Variants in FKBP15 observed in about 807,000 individuals in gnomAD.
The protein encoded by FKBP15 is FK506-binding protein 15.
Under a neutral mutation model 158.1 loss-of-function variants are expected in FKBP15, and 106 were observed. The ratio of observed to expected loss-of-function variants is 0.67; its 90% CI spans 0.57 to 0.79. The LOEUF is 0.79. Ranked by LOEUF, FKBP15 falls within the 30% of genes least tolerant of loss-of-function variation. FKBP15 has a pLI of 0.00. For missense variants in FKBP15, 1,287 were observed against 1,479.1 expected, an observed-to-expected ratio of 0.87 and a Z score of 2.13; for synonymous variants, 547 against 548.6, an observed-to-expected ratio of 1.00 and a Z score of 0.04.
At chr9:113,175,945 G>A (rs1402565188) in intron 21 of FKBP15, among the ~76,000 whole-genome samples, 1 of 152,168 alleles carries the variant, frequency 6.6e-6, no homozygotes, top group South Asian at 2.1e-4. Flanking sequence ...AGGATAACCT[G>A]GTAATATTTA....
At chr9:113,188,234 C>T (rs1830516390) in intron 13 of FKBP15, among the ~76,000 whole-genome samples, 155 bp downstream of exon 13, 1 of 152,230 alleles carries the variant, frequency 6.6e-6, no homozygotes, top group Non-Finnish European at 1.5e-5. Context: ...TATGAAAATG[C>T]CTTACCCAGG....
intron 21 of FKBP15, among the ~76,000 whole-genome samples, chr9:113,175,322 T>TTC (rs1830283399): frequency 6.6e-6 from 1 of 152,104 alleles, no homozygotes; most frequent in Non-Finnish European, 1.5e-5. Flanking sequence ...GTAGTATCTA[T>TTC]AGTAATGACA....
intron 18 of FKBP15, 73 bp downstream of exon 18, chr9:113,183,678 C>T (rs1830438634): frequency 4.2e-6 from 4 of 951,314 alleles, no homozygotes; most frequent in South Asian, 2.9e-5. Flanking sequence ...TAAACAAATA[C>T]GTGTACTTAA....
Position 113,194,030 on chromosome 9 carries a change from G to A in FKBP15, c.1004C>T (p.Ser335Leu). The stretch of plus-strand genomic sequence containing the variant: ...TGATACAACTGCAGTATCTTACCCT[G>A]ATTTGAAAGGTATTGATGTGGGTGG... ...VSPPTSIPFKSGEPALRTKSN... is the reference protein window; with the variant it reads ...VSPPTSIPFKLGEPALRTKSN... Residue 335 changes from serine (S) to leucine (L), a missense_variant, in exon 10 of 28, where the codon TCA becomes TTA. Ser to Leu is a moderately radical substitution (Grantham distance 145, BLOSUM62 -2). Coordinates refer to ENST00000238256, the MANE Select transcript of FKBP15 (RefSeq NM_015258.2). 6.2e-7 allele frequency: 1 copy of A among 1,609,416 alleles called. No homozygotes were observed. The highest frequency in any genetic ancestry group is 1.3e-5 in the African/African-American group (1 of 74,842).
chr9:113,210,731 C>T (rs1263562389), intron 2 of FKBP15, among the ~76,000 whole-genome samples: 4 of 151,898 alleles, frequency 2.6e-5, no homozygotes, highest in African/African-American at 7.3e-5. Flanking sequence ...CACCCTCAAT[C>T]TTGTTGGGCA....
intron 11 of FKBP15, among the ~76,000 whole-genome samples, chr9:113,192,773 A>C (rs998244804): frequency 3.9e-5 from 6 of 152,230 alleles, no homozygotes; most frequent in African/African-American, 1.4e-4. Flanking sequence ...TGAGATAGGC[A>C]ATATCTCCAT....
chr9:113,214,620 C>T (rs149788782), intron 1 of FKBP15, among the ~76,000 whole-genome samples: 61 of 152,300 alleles, frequency 4.0e-4, no homozygotes, highest in African/African-American at 1.2e-3. Context: ...ACATGAGCAA[C>T]GGCTTCAACT....
Position 113,162,982 on chromosome 9 carries a change from C to G in FKBP15, c.*3096G>C, listed in dbSNP as rs969515816. 35 of 1,382,542 alleles carry G rather than the reference C, an allele frequency of 2.5e-5. No individual in the cohort carries two copies. Among genetic ancestry groups the G allele is most frequent in the Non-Finnish European group, 3.3e-5 (34 of 1,033,550 alleles). 85.6% of individuals were successfully genotyped at this position (1,382,542 alleles called of 1,614,324 possible). On this transcript the variant is annotated 3_prime_UTR_variant, in exon 28 of 28. Transcript: ENST00000238256. The stretch of plus-strand genomic sequence containing the variant: ...GGAGCCCCCTCTTCCAGACACTATA[C>G]TTCCAACTGCCCTTTCTTCTGATGG...
chr9:113,172,811 A>G (rs1830237348), intron 23 of FKBP15, among the ~76,000 whole-genome samples: 1 of 152,210 alleles, frequency 6.6e-6, no homozygotes, highest in Non-Finnish European at 1.5e-5. Context: ...AAAGTTTTCA[A>G]CTGGACACTT....
At chr9:113,188,706 T>C (rs992453217) in intron 12 of FKBP15, 6 of 513,172 alleles carry the variant, frequency 1.2e-5, no homozygotes, top group African/African-American at 1.9e-5. Flanking sequence ...TATAATCATA[T>C]TGAATAAGTA....
intron 1 of FKBP15, among the ~76,000 whole-genome samples, chr9:113,218,958 T>C (rs1442048490): frequency 6.6e-6 from 1 of 152,194 alleles, no homozygotes; most frequent in East Asian, 1.9e-4. Context: ...CTAAAACAAA[T>C]ATATACATAA....
Position 113,165,419 on chromosome 9 carries a change from A to C in FKBP15, c.*659T>G, listed in dbSNP as rs1830082571. The C allele has an allele frequency of 6.6e-6, 1 of 152,124 alleles. No individual in the cohort carries two copies. Among genetic ancestry groups the C allele is most frequent in the African/African-American group, 2.4e-5 (1 of 41,406 alleles). The allele number at this position is 152,124 out of a possible 1,614,324, so 9.4% of individuals were successfully genotyped here. On this transcript the variant is annotated 3_prime_UTR_variant, in exon 28 of 28. Transcript: ENST00000238256. The stretch of plus-strand genomic sequence containing the variant: ...GTAAATATGCCACAACGTTTTGTGC[A>C]CATTAACTGACCCAGATCTGTAAGA...
chr9:113,220,865 C>T (rs955493932), intron 1 of FKBP15, among the ~76,000 whole-genome samples: 2 of 152,118 alleles, frequency 1.3e-5, no homozygotes, highest in Non-Finnish European at 2.9e-5. Context: ...TCACATCAGC[C>T]CCAGCTGACT....
intron 20 of FKBP15, 82 bp from the exon 21 acceptor site, chr9:113,176,755 AATT>A (rs1422480287): frequency 1.4e-6 from 2 of 1,469,242 alleles, no homozygotes; most frequent in African/African-American, 2.9e-5. Context: ...TCTTTTTTTA[AATT>A]ATTTTTTGGA....
chr9:113,195,080 A>G (rs1830645966), intron 9 of FKBP15, among the ~76,000 whole-genome samples: 1 of 152,198 alleles, frequency 6.6e-6, no homozygotes, highest in African/African-American at 2.4e-5. Context: ...CTTTTAACCC[A>G]TTTATGCCAA....
intron 23 of FKBP15, among the ~76,000 whole-genome samples, chr9:113,172,013 G>A (rs1469034556): frequency 9.5e-5 from 3 of 31,538 alleles, no homozygotes; most frequent in East Asian, 6.2e-4. Context: ...CCCAACCCCC[G>A]ACAGGCCCCG....
At chr9:113,200,546 A>T (rs1285532811) in intron 6 of FKBP15, among the ~76,000 whole-genome samples, 1 of 152,184 alleles carries the variant, frequency 6.6e-6, no homozygotes, top group Admixed American at 6.5e-5. Context: ...ATCTTAGACA[A>T]AGGAGTCAGG....
At chr9:113,166,531 T>C (rs1830102221) in intron 27 of FKBP15, among the ~76,000 whole-genome samples, 1 of 152,180 alleles carries the variant, frequency 6.6e-6, no homozygotes, top group Admixed American at 6.5e-5. Flanking sequence ...AAAGCAGCCC[T>C]GAGAGAGCGA....
At chr9:113,179,696 T>G (rs1830359652) in intron 19 of FKBP15, among the ~76,000 whole-genome samples, 1 of 151,398 alleles carries the variant, frequency 6.6e-6, no homozygotes, top group Non-Finnish European at 1.5e-5. Context: ...AACAAAATTG[T>G]ATATAAAATA....
Sources: allele counts gnomAD v4.1 joint callset (sites outside exome capture counted in the v4.1 genomes callset), GRCh38; gene constraint gnomAD v4.1.1; transcripts MANE v1.5; gene names NCBI Gene and HGNC (gene_info 2026-07-23, HGNC 2026-07-21).